MOV10L1: variants seen among roughly 807,000 people sequenced by gnomAD.
MOV10L1 encodes the protein RNA helicase Mov10l1.
In MOV10L1, 110 loss-of-function variants were observed where a neutral mutation model predicts 143.8. The ratio of observed to expected loss-of-function variants is 0.76; its 90% CI spans 0.66 to 0.90. The LOEUF (loss-of-function observed/expected upper bound fraction) is 0.90, where lower values mean the gene tolerates loss of function less well. Among genes scored for constraint, MOV10L1 ranks in the 40% least tolerant of loss-of-function variants. The pLI is 0.00. For synonymous variants in MOV10L1, 593 were observed against 581.1 expected, an observed-to-expected ratio of 1.02 and a Z score of -0.29; for missense variants, 1,406 against 1,526.8, an observed-to-expected ratio of 0.92 and a Z score of 1.32.
chr22:50,115,242 G>A lies in MOV10L1; in HGVS notation c.1255G>A (p.Gly419Arg), dbSNP rs752711170. 12 of 1,518,962 alleles carry A rather than the reference G, an allele frequency of 7.9e-6. No homozygotes were observed. The highest frequency in any genetic ancestry group is 2.6e-5 in the East Asian group (1 of 38,660). 94.1% of individuals were successfully genotyped at this position (1,518,962 alleles called of 1,614,324 possible). A position where few individuals can be genotyped will look rare whatever the true frequency, so the allele number is the denominator to read the frequency against. The change falls in exon 8 of 27, where the codon GGA (glycine) becomes AGA (arginine). Residue 419 changes from glycine (G) to arginine (R), a missense_variant. Physicochemically the swap from Gly to Arg is moderately radical, Grantham distance 125 (BLOSUM62 -2). This residue lies in a region of MOV10L1 where 1,233 missense variants were observed against 1,351.4 expected (regional missense o/e 0.91). Transcript: ENST00000262794. ...AACCTTCATTGTGGTCATCTGTGAC[G>A]GAAAGTAAGGGCCTGGAGGTCTGGG... is the stretch of plus-strand genomic sequence containing the variant. ...GKTFIVVICD[G>R]KNPGRCKELL...
At chr22:50,098,109 T>A (rs780391391) in intron 2 of MOV10L1, among the ~76,000 whole-genome samples, 10 of 152,106 alleles carry the variant, frequency 6.6e-5, no homozygotes, top group Non-Finnish European at 1.2e-4. Context: ...AGTGCTGGAA[T>A]TACAGGCATG....
At chr22:50,096,218 GTC>G (rs1347989800) in intron 2 of MOV10L1, 2 of 152,170 alleles carry the variant, frequency 1.3e-5, no homozygotes, top group African/African-American at 4.8e-5. Flanking sequence ...TCTACTTTAT[GTC>G]TCTATGAATT....
At position 50,158,206 on chromosome 22, in the gene MOV10L1, G is replaced by C; in HGVS notation, c.3216G>C (p.Gln1072His). The change falls in exon 23 of 27, where the codon CAG becomes CAC. Residue 1072 changes from glutamine to histidine, a missense_variant and splice_region_variant. Physicochemically the swap from Gln to His is conservative, Grantham distance 24. Around this residue, in one of 3 missense-constraint regions of MOV10L1, gnomAD observed 1,233 missense variants for 1,351.4 expected, o/e 0.91. Transcript: ENST00000262794. The surrounding 1 kb of genome is among the most constrained non-coding windows in gnomAD (Gnocchi z 5.0). ...DIGVITPYRK[Q>H]VEKIRILLRN... ...GCGTCATCACGCCCTACCGGAAGCA[G>C]GTACGCCCTGCCCAGGCACGCCTGG... The C allele has an allele frequency of 6.2e-7, 1 of 1,614,074 alleles. No homozygotes were observed. Among genetic ancestry groups the C allele is most frequent in the South Asian group, 1.1e-5 (1 of 91,078 alleles).
intron 13 of MOV10L1, among the ~76,000 whole-genome samples, chr22:50,132,326 G>C (rs75570992): frequency 0.043 from 6,475 of 152,272 alleles, 201 homozygotes; most frequent in Non-Finnish European, 0.061. Flanking sequence ...GGTCATGTCA[G>C]TCTCTACAGA....
At chr22:50,144,021 T>G (rs2063065372) in intron 17 of MOV10L1, 76 bp from the exon 18 acceptor site, 1 of 1,545,690 alleles carries the variant, frequency 6.5e-7, no homozygotes, top group Non-Finnish European at 8.8e-7. Flanking sequence ...CGAATGTGTG[T>G]GTTGAGGTTA....
chr22:50,133,977 A>T (rs3736686), intron 13 of MOV10L1, 30 bp from the exon 14 acceptor site: 648 of 1,590,004 alleles, frequency 4.1e-4, no homozygotes, highest in Non-Finnish European at 5.2e-4. Flanking sequence ...ATGTAAGGTT[A>T]GTTATTTTAT....
intron 16 of MOV10L1, 30 bp from the exon 17 acceptor site, chr22:50,143,013 T>C: frequency 6.2e-7 from 1 of 1,607,984 alleles, no homozygotes; most frequent in Non-Finnish European, 8.5e-7. Context: ...TGTTTGCATC[T>C]AACTGAAACT....
intron 13 of MOV10L1, among the ~76,000 whole-genome samples, chr22:50,129,518 C>T (rs1014222537): frequency 1.4e-4 from 21 of 152,162 alleles, no homozygotes; most frequent in African/African-American, 5.1e-4. Flanking sequence ...CGCTGTTTTT[C>T]TGTTGATGGA....
Position 50,090,144 on chromosome 22 carries a change from C to G in MOV10L1, c.56C>G (p.Pro19Arg), listed in dbSNP as rs960421199. The G allele has an allele frequency of 2.1e-6, 3 of 1,424,506 alleles. No individual in the cohort carries two copies. Among genetic ancestry groups the G allele is most frequent in the Non-Finnish European group, 2.7e-6 (3 of 1,091,672 alleles). The allele number at this position is 1,424,506 out of a possible 1,614,324, so 88.2% of individuals were successfully genotyped here. A position where few individuals can be genotyped will look rare whatever the true frequency, so the allele number is the denominator to read the frequency against. The change falls in exon 1 of 27, where the codon CCT (proline) becomes CGT (arginine). Residue 19 changes from proline to arginine, a missense_variant. By Grantham distance (103) the Pro-to-Arg change is moderately radical. Around this residue, in one of 3 missense-constraint regions of MOV10L1, gnomAD observed 166 missense variants for 153.9 expected, o/e 1.08. Coordinates refer to ENST00000262794, the MANE Select transcript of MOV10L1 (RefSeq NM_018995.3). ...TTCTTCTGGAGGACGGCGGACACCC[C>G]TAGGGAGGAAGCCGGGCAGCTGGAG... is the stretch of plus-strand genomic sequence containing the variant. ...VAFFWRTADTPREEAGQLEPE... is the reference protein window; with the variant it reads ...VAFFWRTADTRREEAGQLEPE...
At chr22:50,095,391 A>G (rs376539890) in intron 2 of MOV10L1, 3 of 152,252 alleles carry the variant, frequency 2.0e-5, no homozygotes, top group South Asian at 2.1e-4. Flanking sequence ...TCCTCTCCCA[A>G]TTATTTAATT....
intron 19 of MOV10L1, among the ~76,000 whole-genome samples, chr22:50,146,732 C>T (rs922427392): frequency 3.3e-5 from 5 of 152,138 alleles, no homozygotes; most frequent in African/African-American, 4.8e-5. Context: ...GGAGGTGGTC[C>T]GTCAGCTCCA....
chr22:50,092,375 A>C (rs921270418), intron 2 of MOV10L1, among the ~76,000 whole-genome samples, 190 bp downstream of exon 2: 2 of 152,208 alleles, frequency 1.3e-5, no homozygotes, highest in African/African-American at 4.8e-5. Flanking sequence ...TCACGCCTGT[A>C]ATCCCAGCAC....
At chr22:50,135,756 A>G (rs945233153) in intron 15 of MOV10L1, among the ~76,000 whole-genome samples, 9 of 151,964 alleles carry the variant, frequency 5.9e-5, no homozygotes, top group Non-Finnish European at 1.0e-4. Context: ...ATCTCAAAAA[A>G]AAAAAAAAAA....
intron 9 of MOV10L1, among the ~76,000 whole-genome samples, 191 bp downstream of exon 9, chr22:50,117,542 A>G (rs951065448): frequency 6.6e-6 from 1 of 152,152 alleles, no homozygotes; most frequent in Non-Finnish European, 1.5e-5. Context: ...CTGAAGGTCA[A>G]GTTCTGTCTC....
At chr22:50,100,747 T>C (rs138208) in intron 3 of MOV10L1, among the ~76,000 whole-genome samples, 82,685 of 151,910 alleles carry the variant, frequency 0.54, 23,085 homozygotes, top group Admixed American at 0.65. Flanking sequence ...CCTTGTGATC[T>C]GCCCGCCTTG....
intron 13 of MOV10L1, among the ~76,000 whole-genome samples, chr22:50,131,885 G>C (rs1275606518): frequency 6.6e-6 from 1 of 152,150 alleles, no homozygotes; most frequent in Non-Finnish European, 1.5e-5. Flanking sequence ...ACCATAGATG[G>C]GGTGGCTTAT....
At chr22:50,153,477 C>A (rs2063349558) in intron 22 of MOV10L1, among the ~76,000 whole-genome samples, 1 of 152,238 alleles carries the variant, frequency 6.6e-6, no homozygotes, top group Non-Finnish European at 1.5e-5. Context: ...GCACTGGGCT[C>A]CAAGAGAAGC....
chr22:50,150,532 C>G (rs1485522054), intron 20 of MOV10L1, among the ~76,000 whole-genome samples: 1 of 152,170 alleles, frequency 6.6e-6, no homozygotes, highest in Non-Finnish European at 1.5e-5. Context: ...TTCGGGGAGG[C>G]AGATGGCAGG....
chr22:50,150,014 AG>A (rs1201631151), intron 20 of MOV10L1, among the ~76,000 whole-genome samples: 1 of 152,170 alleles, frequency 6.6e-6, no homozygotes, highest in Non-Finnish European at 1.5e-5. Context: ...CAGTGCCTGG[AG>A]GGGCGGACAG....
Sources: gnomAD v4.1 joint callset for allele counts (sites outside exome capture counted in the v4.1 genomes callset) on GRCh38, gnomAD v4.1.1 for gene constraint, gnomAD v4.1.1 regional missense constraint, Gnocchi (gnomAD v3.1) non-coding constraint, MANE v1.5 for transcripts, NCBI Gene and HGNC (gene_info 2026-07-23, HGNC 2026-07-21) for gene names.